The following ARMC8 variants were observed in gnomAD, a reference collection of about 807,000 sequenced individuals.
ARMC8 encodes the protein armadillo repeat-containing protein 8.
Under a neutral mutation model 99.3 loss-of-function variants are expected in ARMC8, and 20 were observed. That is an observed-to-expected ratio of 0.20 (90% CI 0.14 to 0.29). The LOEUF is 0.29. Among genes scored for constraint, ARMC8 ranks in the 10% least tolerant of loss-of-function variants. The pLI, the probability that ARMC8 is intolerant of heterozygous loss-of-function variation, is 1.00. For missense variants in ARMC8, 569 were observed against 809.5 expected (o/e 0.70, Z 3.60); for synonymous variants, 263 against 278.3 (o/e 0.95, Z 0.55).
Position 138,221,980 on chromosome 3 carries a change from T to G in ARMC8, c.177T>G (p.Val59=). The change falls in exon 3 of 22, where the codon GTT becomes GTG. Residue 59 remains valine (V), a synonymous_variant. Coordinates refer to ENST00000469044, the MANE Select transcript of ARMC8 (RefSeq NM_001363941.2). ...GNNKQKANLI[V]LGAVPRLLYL... ...ACAAGCAGAAAGCCAATCTCATTGT[T>G]TTAGGAGCTGTTCCAAGGTATGTTT... The G allele has an allele frequency of 6.2e-7, 1 of 1,613,586 alleles. No homozygotes were observed. The highest frequency in any genetic ancestry group is 8.5e-7 in the Non-Finnish European group (1 of 1,179,608).
chr3:138,290,409 T>C, intron 20 of ARMC8, 137 bp from the exon 21 acceptor site: 2 of 639,010 alleles, frequency 3.1e-6, no homozygotes, highest in Non-Finnish European at 5.4e-6. Flanking sequence ...CCAACTACAT[T>C]GGGAGAGGGT....
chr3:138,187,419 C>T lies in ARMC8; in HGVS notation c.-136C>T, dbSNP rs1367782989. On this transcript the variant is annotated 5_prime_UTR_variant, in exon 1 of 22. Coordinates refer to ENST00000469044, the MANE Select transcript of ARMC8 (RefSeq NM_001363941.2). ...TCTGCGGGCCTTTCCGGTACTTGAG[C>T]GGTGTCCAGAGCGTGGCCAGTTCTC... The T allele has an allele frequency of 7.6e-6, 6 of 794,536 alleles. No homozygotes were observed. Among genetic ancestry groups the T allele is most frequent in the African/African-American group, 1.7e-5 (1 of 57,826 alleles). 49.2% of individuals were successfully genotyped at this position (794,536 alleles called of 1,614,324 possible).
chr3:138,289,061 T>A lies in ARMC8; in HGVS notation c.1835T>A (p.Val612Asp). ...KIKYYMGHSH[V>D]KLQLAAMFCI... ...CTGTATTAATAGGGCCATTCACATG[T>A]TAAACTGCAGCTTGCAGCCATGTTT... is the stretch of plus-strand genomic sequence containing the variant. Residue 612 changes from valine to aspartate, a missense_variant, in exon 20 of 22, where the codon GTT becomes GAT. Coordinates refer to ENST00000469044, the MANE Select transcript of ARMC8 (RefSeq NM_001363941.2). 6.2e-7 allele frequency: 1 copy of A among 1,613,178 alleles called. No homozygotes were observed. Among genetic ancestry groups the A allele is most frequent in the Non-Finnish European group, 8.5e-7 (1 of 1,179,404 alleles).
chr3:138,232,834 G>A (rs577727280), intron 6 of ARMC8, among the ~76,000 whole-genome samples: 1 of 152,342 alleles, frequency 6.6e-6, no homozygotes, highest in Non-Finnish European at 1.5e-5. Context: ...CAGGAGAACA[G>A]ATTGGCTGCA....
chr3:138,273,652 C>T (rs949238705), intron 17 of ARMC8, among the ~76,000 whole-genome samples: 4 of 152,168 alleles, frequency 2.6e-5, no homozygotes, highest in Non-Finnish European at 5.9e-5. Flanking sequence ...CCCCAAGAAA[C>T]AATGCAAGTG....
At chr3:138,252,481 T>C (rs1042760391) in intron 12 of ARMC8, among the ~76,000 whole-genome samples, 3 of 130,186 alleles carry the variant, frequency 2.3e-5, no homozygotes, top group African/African-American at 9.4e-5. Flanking sequence ...TGAGACGGGG[T>C]CTCGCACTGT....
intron 6 of ARMC8, among the ~76,000 whole-genome samples, chr3:138,232,946 TG>T (rs1393370600): frequency 6.6e-6 from 1 of 152,194 alleles, no homozygotes; most frequent in Non-Finnish European, 1.5e-5. Context: ...TTGTCAAAAT[TG>T]ATAAGGAACT....
At chr3:138,222,687 A>G (rs2045466339) in intron 3 of ARMC8, among the ~76,000 whole-genome samples, 1 of 152,248 alleles carries the variant, frequency 6.6e-6, no homozygotes, top group Non-Finnish European at 1.5e-5. Flanking sequence ...CACCAACCTC[A>G]AACATATACT....
At chr3:138,233,664 G>T (rs564869034) in intron 6 of ARMC8, among the ~76,000 whole-genome samples, 10 of 152,328 alleles carry the variant, frequency 6.6e-5, no homozygotes, top group African/African-American at 2.4e-4. Flanking sequence ...AAGTACGAAT[G>T]CTAATTTCCC....
intron 1 of ARMC8, among the ~76,000 whole-genome samples, chr3:138,207,824 C>G (rs2044461013): frequency 6.6e-6 from 1 of 152,182 alleles, no homozygotes; most frequent in African/African-American, 2.4e-5. Flanking sequence ...TGTTGAGAGT[C>G]CTTCTAACTC....
intron 1 of ARMC8, among the ~76,000 whole-genome samples, chr3:138,207,848 T>C (rs1195477712): frequency 6.6e-5 from 10 of 152,208 alleles, no homozygotes; most frequent in Non-Finnish European, 1.5e-5. Flanking sequence ...GATTCTGTTA[T>C]TTTGAGGAAA....
At chr3:138,192,431 C>T (rs1379089483) in intron 1 of ARMC8, among the ~76,000 whole-genome samples, 1 of 152,000 alleles carries the variant, frequency 6.6e-6, no homozygotes, top group Admixed American at 6.5e-5. Context: ...GTGCCCGCCA[C>T]CACACCTGGC....
At chr3:138,287,483 T>G (rs1462230079) in intron 19 of ARMC8, 1 of 363,418 alleles carries the variant, frequency 2.8e-6, no homozygotes, top group Non-Finnish European at 5.5e-6. Flanking sequence ...TCATAGTAAT[T>G]TGTGTCCTTA....
intron 6 of ARMC8, among the ~76,000 whole-genome samples, chr3:138,229,509 A>G (rs910718706): frequency 6.6e-6 from 1 of 151,948 alleles, no homozygotes; most frequent in Non-Finnish European, 1.5e-5. Flanking sequence ...GGGTCAAAGA[A>G]TATATGTATT....
In ARMC8 at chr3:138,262,387, CA is replaced by C. The variant is rs530301181; in HGVS notation, c.1135-1351del. The C allele has an allele frequency of 1.2e-5, 10 of 843,786 alleles. No homozygotes were observed. The East Asian group carries it at 2.0e-4, about 17-fold the overall frequency. 52.3% of individuals were successfully genotyped at this position (843,786 alleles called of 1,614,324 possible). ...GATAAAAATTACCATTCCTAATCTA[CA>C]GCTAAAATGTGGTTCCCTGTTCTTA... On this transcript the variant is annotated intron_variant, in intron 12 of 21. Coordinates refer to ENST00000469044, the MANE Select transcript of ARMC8 (RefSeq NM_001363941.2).
chr3:138,190,585 G>A (rs1228921175), intron 1 of ARMC8, among the ~76,000 whole-genome samples: 3 of 152,036 alleles, frequency 2.0e-5, no homozygotes, highest in East Asian at 1.9e-4. Context: ...CACTGCACCC[G>A]GCCGAGATTC....
chr3:138,198,547 T>C (rs1489637192), intron 1 of ARMC8, among the ~76,000 whole-genome samples: 1 of 151,772 alleles, frequency 6.6e-6, no homozygotes, highest in Middle Eastern at 3.2e-3. Context: ...ATTCTCACTC[T>C]TCTCACCCAG....
intron 6 of ARMC8, among the ~76,000 whole-genome samples, chr3:138,232,291 T>C (rs1252731177): frequency 1.3e-5 from 2 of 152,114 alleles, no homozygotes; most frequent in African/African-American, 4.8e-5. Flanking sequence ...CAACTGCTTT[T>C]ACACAATTTT....
chr3:138,215,159 G>A (rs982536863), intron 2 of ARMC8, among the ~76,000 whole-genome samples: 1 of 152,110 alleles, frequency 6.6e-6, no homozygotes, highest in Non-Finnish European at 1.5e-5. Context: ...ATATGTCTAT[G>A]TGATACTAAC....
Sources: gnomAD v4.1 joint callset for allele counts (sites outside exome capture counted in the v4.1 genomes callset) on GRCh38, gnomAD v4.1.1 for gene constraint, MANE v1.5 for transcripts, NCBI Gene and HGNC (gene_info 2026-07-23, HGNC 2026-07-21) for gene names.